The following CDH10 variants were observed in gnomAD, a reference collection of about 807,000 sequenced individuals.
CDH10 encodes cadherin 10.
A neutral mutation model predicts 73.1 loss-of-function variants in CDH10; 30 were observed. That is an observed-to-expected ratio of 0.41 (90% CI 0.31 to 0.56). The LOEUF is 0.56. Ranked by LOEUF, CDH10 falls within the 20% of genes least tolerant of loss-of-function variation. The pLI, the probability that CDH10 is intolerant of heterozygous loss-of-function variation, is 0.27. For missense variants in CDH10, 815 were observed against 973.7 expected, an observed-to-expected ratio of 0.84 and a Z score of 2.17; for synonymous variants, 345 against 348.2, an observed-to-expected ratio of 0.99 and a Z score of 0.10.
intron 2 of CDH10, among the ~76,000 whole-genome samples, chr5:24,568,503 T>G (rs1451371607): frequency 6.6e-6 from 1 of 151,776 alleles, no homozygotes; most frequent in East Asian, 1.9e-4. Flanking sequence ...AAACAAGTGT[T>G]GTCAAGAATC....
At position 24,509,240 on chromosome 5, in the gene CDH10, C is replaced by CTTTTT. The variant is rs35903930; in HGVS notation, c.1256+321_1256+325dup. On this transcript the variant is annotated intron_variant, in intron 7 of 11. Coordinates refer to ENST00000264463, the MANE Select transcript of CDH10 (RefSeq NM_006727.5). ...AAACAACATTTTGTTCTCCTTTTTC[C>CTTTTT]TTTTTTTTTTTTTTTTTTGAGACAG... 1.4e-4 allele frequency among the ~76,000 whole-genome samples: 12 copies of CTTTTT among 85,330 alleles called. 1 individual carries two copies. The highest frequency in any genetic ancestry group is 3.4e-4 in the African/African-American group (7 of 20,492). The allele number at this position is 85,330 out of a possible 152,430, so 56.0% of individuals were successfully genotyped here.
intron 2 of CDH10, among the ~76,000 whole-genome samples, chr5:24,568,544 G>C (rs1431458744): frequency 6.6e-6 from 1 of 151,746 alleles, no homozygotes; most frequent in Non-Finnish European, 1.5e-5. Context: ...TGCATTGCTG[G>C]TGGGAATACA....
chr5:24,548,633 CAAT>C (rs1405275832), intron 2 of CDH10, among the ~76,000 whole-genome samples: 1 of 152,022 alleles, frequency 6.6e-6, no homozygotes, highest in Non-Finnish European at 1.5e-5. Context: ...TTCATAGCCA[CAAT>C]GAGACTAGTT....
chr5:24,512,928 T>C (rs1742972802), intron 5 of CDH10, among the ~76,000 whole-genome samples: 1 of 152,186 alleles, frequency 6.6e-6, no homozygotes, highest in African/African-American at 2.4e-5. Context: ...TGGACCAAAC[T>C]GGGCTTTTCA....
At chr5:24,488,714 A>G (rs915137643) in intron 11 of CDH10, among the ~76,000 whole-genome samples, 23 of 151,568 alleles carry the variant, frequency 1.5e-4, no homozygotes, top group Admixed American at 1.3e-3. Context: ...TAATTATTGG[A>G]AAAAAAACAG....
intron 2 of CDH10, chr5:24,554,119 G>GGAGAGAGAGA (rs71605680): frequency 7.5e-5 from 3 of 39,798 alleles, no homozygotes; most frequent in African/African-American, 1.6e-4. Flanking sequence ...GGCGGGGGGG[G>GGAGAGAGAGA]GAGAGAGAGA....
At chr5:24,566,207 C>A (rs538284113) in intron 2 of CDH10, among the ~76,000 whole-genome samples, 3 of 152,156 alleles carry the variant, frequency 2.0e-5, no homozygotes, top group South Asian at 4.2e-4. Flanking sequence ...CACCACCACA[C>A]CTGGCTAATT....
chr5:24,580,880 G>C (rs373450339), intron 2 of CDH10, among the ~76,000 whole-genome samples: 16 of 152,144 alleles, frequency 1.1e-4, no homozygotes, highest in African/African-American at 3.4e-4. Flanking sequence ...CATCTCCAAA[G>C]TGCATCATTT....
intron 2 of CDH10, among the ~76,000 whole-genome samples, chr5:24,544,832 G>T (rs1744284564): frequency 6.6e-6 from 1 of 152,166 alleles, no homozygotes; most frequent in Admixed American, 6.5e-5. Context: ...ACTTCTTGAA[G>T]CATTTCAACT....
intron 1 of CDH10, among the ~76,000 whole-genome samples, chr5:24,599,725 A>C (rs972425924): frequency 3.3e-5 from 5 of 152,140 alleles, no homozygotes; most frequent in African/African-American, 1.2e-4. Context: ...TAAATGCATA[A>C]ATATAGATCT....
intron 1 of CDH10, among the ~76,000 whole-genome samples, chr5:24,625,230 T>C (rs2112178573): frequency 6.6e-6 from 1 of 151,652 alleles, no homozygotes; most frequent in East Asian, 2.0e-4. Flanking sequence ...TGGCCCAATA[T>C]ACTGTTACTA....
intron 1 of CDH10, among the ~76,000 whole-genome samples, chr5:24,621,010 T>C (rs1032040817): frequency 1.1e-4 from 17 of 152,190 alleles, no homozygotes; most frequent in African/African-American, 4.1e-4. Context: ...ACTTAATATT[T>C]TGAGATTGAA....
At chr5:24,509,491 G>A (rs575614445) in intron 7 of CDH10, 75 bp downstream of exon 7, 27 of 1,351,346 alleles carry the variant, frequency 2.0e-5, no homozygotes, top group South Asian at 9.1e-5. Context: ...CACCCGCCTC[G>A]GCCTCCCAAA....
chr5:24,571,002 A>G (rs1036534861), intron 2 of CDH10, among the ~76,000 whole-genome samples: 3 of 152,234 alleles, frequency 2.0e-5, no homozygotes, highest in Middle Eastern at 3.4e-3. Flanking sequence ...GTGTTTTAAA[A>G]TTTGGTCTGG....
intron 2 of CDH10, among the ~76,000 whole-genome samples, chr5:24,561,944 C>T (rs1744971843): frequency 1.3e-5 from 2 of 151,944 alleles, no homozygotes; most frequent in African/African-American, 4.8e-5. Flanking sequence ...CAAAAACAAA[C>T]AAAAAACATA....
chr5:24,520,758 A>C (rs1402890157), intron 5 of CDH10, among the ~76,000 whole-genome samples: 2 of 151,972 alleles, frequency 1.3e-5, no homozygotes, highest in Non-Finnish European at 2.9e-5. Flanking sequence ...ATGGCATCTC[A>C]GTCTGTCATC....
chr5:24,570,152 T>G (rs978696005), intron 2 of CDH10, among the ~76,000 whole-genome samples: 1 of 152,174 alleles, frequency 6.6e-6, no homozygotes, highest in Admixed American at 6.5e-5. Flanking sequence ...CTTAGAGATA[T>G]TAATTTGTAG....
chr5:24,591,889 G>A (rs1315954969), intron 2 of CDH10, among the ~76,000 whole-genome samples: 1 of 151,836 alleles, frequency 6.6e-6, no homozygotes, highest in African/African-American at 2.4e-5. Context: ...GGAAATAGAT[G>A]CAAACAAGCT....
chr5:24,589,684 G>A (rs1746136899), intron 2 of CDH10, among the ~76,000 whole-genome samples: 2 of 151,982 alleles, frequency 1.3e-5, no homozygotes, highest in African/African-American at 4.8e-5. Flanking sequence ...AGGCTTTACA[G>A]TTTAATATCA....
Sources: allele counts gnomAD v4.1 joint callset (sites outside exome capture counted in the v4.1 genomes callset), GRCh38; gene constraint gnomAD v4.1.1; transcripts MANE v1.5; gene names NCBI Gene and HGNC (gene_info 2026-07-23, HGNC 2026-07-21).